CCDC88A: variants seen among roughly 807,000 people sequenced by gnomAD.
The protein encoded by CCDC88A is coiled-coil and HOOK domain protein 88A.
A neutral mutation model predicts 234.3 loss-of-function variants in CCDC88A; 54 were observed. The observed-to-expected ratio is 0.23, with a 90% CI of 0.19 to 0.29. The LOEUF is 0.29. Among genes scored for constraint, CCDC88A ranks in the 10% least tolerant of loss-of-function variants. The probability of loss-of-function intolerance (pLI) is 1.00; values close to 1 mark genes in which losing one functional copy is unlikely to be tolerated. For missense variants in CCDC88A, 1,832 were observed against 2,123.4 expected (o/e 0.86, Z 2.70); for synonymous variants, 753 against 737.8 (o/e 1.02, Z -0.33).
chr2:55,390,836 T>C (rs1046589378), intron 2 of CCDC88A, among the ~76,000 whole-genome samples: 7 of 152,144 alleles, frequency 4.6e-5, no homozygotes, highest in Admixed American at 3.3e-4. Flanking sequence ...GCCTTTAAGA[T>C]TTTGGCTTTG....
chr2:55,382,626 G>A (rs1290540380), intron 3 of CCDC88A, among the ~76,000 whole-genome samples: 1 of 152,032 alleles, frequency 6.6e-6, no homozygotes, highest in Non-Finnish European at 1.5e-5. Context: ...TAAGAGCCTA[G>A]GTAATTTTAC....
Position 55,419,527 on chromosome 2 carries a change from GACT to G in CCDC88A, c.-451_-449del. Reference sequence around the variant, plus strand: ...CGTTAAGGATACCGAGGCGCCACCAGACTCGACCTCGGCGTTCCGACCTCTACA... The same window carrying G: ...CGTTAAGGATACCGAGGCGCCACCAGCGACCTCGGCGTTCCGACCTCTACA... On this transcript the variant is annotated 5_prime_UTR_variant, in exon 1 of 33. Coordinates refer to ENST00000436346, the MANE Select transcript of CCDC88A (RefSeq NM_001365480.1). 1 of 139,544 alleles carries G rather than the reference GACT, an allele frequency of 7.2e-6. No homozygotes were observed. Among genetic ancestry groups the G allele is most frequent in the Admixed American group, 7.0e-5 (1 of 14,186 alleles). The allele number at this position is 139,544 out of a possible 1,614,324, so 8.6% of individuals were successfully genotyped here. A position where few individuals can be genotyped will look rare whatever the true frequency, so the allele number is the denominator to read the frequency against.
chr2:55,382,002 T>C (rs763199831), intron 3 of CCDC88A, among the ~76,000 whole-genome samples: 1 of 152,204 alleles, frequency 6.6e-6, no homozygotes, highest in African/African-American at 2.4e-5. Context: ...ATGTTACTAA[T>C]GAAGAGAATT....
intron 17 of CCDC88A, among the ~76,000 whole-genome samples, chr2:55,324,890 C>A (rs1425368742): frequency 1.3e-5 from 2 of 152,230 alleles, no homozygotes; most frequent in African/African-American, 4.8e-5. Flanking sequence ...AAGTGATACA[C>A]CTGCCTCAGC....
At chr2:55,358,441 A>T (rs3099083) in intron 7 of CCDC88A, among the ~76,000 whole-genome samples, 21,415 of 152,160 alleles carry the variant, frequency 0.14, 1,954 homozygotes, top group East Asian at 0.31. Flanking sequence ...GTCCTACTAC[A>T]GATCTTGCTA....
Position 55,308,951 on chromosome 2 carries a change from C to A in CCDC88A, c.4245G>T (p.Gln1415His). 3 of 1,614,094 alleles carry A rather than the reference C, an allele frequency of 1.9e-6. No homozygotes were observed. The highest frequency in any genetic ancestry group is 2.5e-6 in the Non-Finnish European group (3 of 1,179,964). Residue 1415 changes from glutamine (Q) to histidine (H), a missense_variant, in exon 25 of 33, where the codon CAG becomes CAT. By Grantham distance (24) the Gln-to-His change is conservative. Around this residue, in one of 6 missense-constraint regions of CCDC88A, gnomAD observed 1,282 missense variants for 1,543.6 expected, o/e 0.83. Transcript: ENST00000436346. Reference sequence around the variant, plus strand: ...GGGTGGGTGTTAATGTTAGAGATTTCTGGCGTTCCCGATTAATATCTTTCT... The same window carrying A: ...GGGTGGGTGTTAATGTTAGAGATTTATGGCGTTCCCGATTAATATCTTTCT... ...KSKKDINRER[Q>H]KSLTLTPTRS...
At chr2:55,325,403 T>A (rs900469929) in intron 17 of CCDC88A, among the ~76,000 whole-genome samples, 5 of 152,248 alleles carry the variant, frequency 3.3e-5, no homozygotes, top group Non-Finnish European at 5.9e-5. Context: ...CATTGATTAG[T>A]TCACCTTAGC....
intron 23 of CCDC88A, 119 bp downstream of exon 23, chr2:55,312,315 A>C: frequency 1.3e-6 from 1 of 792,104 alleles, no homozygotes; most frequent in African/African-American, 1.7e-5. Flanking sequence ...GAATATAAGC[A>C]CTCAAAAATA....
At position 55,296,373 on chromosome 2, in the gene CCDC88A, T is replaced by C; in HGVS notation, c.4976A>G (p.Lys1659Arg). Residue 1659 changes from lysine to arginine, a missense_variant, in exon 30 of 33, where the codon AAA (lysine) becomes AGA (arginine). Physicochemically the swap from Lys to Arg is conservative, Grantham distance 26. Coordinates refer to ENST00000436346, the MANE Select transcript of CCDC88A (RefSeq NM_001365480.1). ...QTRSSPVLQH[K>R]ISETLESRHH... ...TCGACTCTCCAGTGTTTCAGATATT[T>C]TGTGCTGGAGCACTGGGCTTGATCT... The C allele has an allele frequency of 1.2e-6, 2 of 1,614,232 alleles. No homozygotes were observed. Among genetic ancestry groups the C allele is most frequent in the Non-Finnish European group, 1.7e-6 (2 of 1,180,040 alleles).
chr2:55,390,275 A>C (rs879699905), intron 2 of CCDC88A, among the ~76,000 whole-genome samples: 1 of 152,074 alleles, frequency 6.6e-6, no homozygotes, highest in Non-Finnish European at 1.5e-5. Context: ...TTTTGGTTCA[A>C]GTATATTAAG....
At position 55,317,256 on chromosome 2, in the gene CCDC88A, A is replaced by G; in HGVS notation, c.3696T>C (p.Asn1232=). The change falls in exon 21 of 33, where the codon AAT becomes AAC. Residue 1232 remains asparagine, a synonymous_variant. Transcript: ENST00000436346. This position sits in a 1 kb window ranked among gnomAD's most constrained non-coding sequence, Gnocchi z 4.2. ...EQEKMLLENK[N]HETVAAEYKK... Reference sequence around the variant, plus strand: ...TGTATTCTGCAGCTACTGTTTCATGATTTTTATTTTCAAGCAGCATTTTTT... The same window carrying G: ...TGTATTCTGCAGCTACTGTTTCATGGTTTTTATTTTCAAGCAGCATTTTTT... 1 of 1,554,330 alleles carries G rather than the reference A, an allele frequency of 6.4e-7. No individual in the cohort carries two copies. Among genetic ancestry groups the G allele is most frequent in the Non-Finnish European group, 8.7e-7 (1 of 1,146,688 alleles).
At position 55,309,908 on chromosome 2, in the gene CCDC88A, G is replaced by C. The variant is rs1351284535; in HGVS notation, c.4080-654C>G. 6.6e-6 allele frequency among the ~76,000 whole-genome samples: 1 copy of C among 152,086 alleles called. No homozygotes were observed. The highest frequency in any genetic ancestry group is 1.5e-5 in the Non-Finnish European group (1 of 68,010). On this transcript the variant is annotated intron_variant, in intron 23 of 32. Transcript: ENST00000436346. This position sits in a 1 kb window ranked among gnomAD's most constrained non-coding sequence, Gnocchi z 5.1. Reference sequence around the variant, plus strand: ...TATAATAACATATAATATTGTGTGTGTGTATATATATAAAATGACTATATA... The same window carrying C: ...TATAATAACATATAATATTGTGTGTCTGTATATATATAAAATGACTATATA...
Position 55,332,710 on chromosome 2 carries a change from T to A in CCDC88A, c.2728-17A>T. On this transcript the variant is annotated splice_polypyrimidine_tract_variant and intron_variant, in intron 15 of 32. Transcript: ENST00000436346. This position sits in a 1 kb window ranked among gnomAD's most constrained non-coding sequence, Gnocchi z 4.5. ...CACCAAATCCTTATTTTAAAAGAAA[T>A]GCAAAACTCACCTAAGTGTCAAGGG... is the stretch of plus-strand genomic sequence containing the variant. 3 of 1,610,650 alleles carry A rather than the reference T, an allele frequency of 1.9e-6. No individual in the cohort carries two copies. Among genetic ancestry groups the A allele is most frequent in the Non-Finnish European group, 2.5e-6 (3 of 1,178,124 alleles).
rs116419266 is a variant in CCDC88A, at chr2:55,367,852, C to T, written c.403-3819G>A. Among the ~76,000 whole-genome samples the T allele has an allele frequency of 3.3e-3, 503 of 152,090 alleles. 3 individuals carry two copies. Among genetic ancestry groups the T allele is most frequent in the African/African-American group, 0.01 (429 of 41,476 alleles). On this transcript the variant is annotated intron_variant, in intron 5 of 32. Transcript: ENST00000436346. ...ACATAAAAGGGTCAAAATTTTAATT[C>T]CAACCACACTTGACACTCAGTTACT...
intron 25 of CCDC88A, chr2:55,308,386 G>A (rs1264428026): frequency 6.5e-6 from 1 of 154,914 alleles, no homozygotes; most frequent in African/African-American, 2.4e-5. Context: ...CACCATCAAA[G>A]TATATGAGCA....
intron 5 of CCDC88A, among the ~76,000 whole-genome samples, chr2:55,368,091 G>T (rs1037487059): frequency 1.3e-5 from 2 of 152,174 alleles, no homozygotes; most frequent in Non-Finnish European, 2.9e-5. Context: ...CTACTTCAGG[G>T]CTAGGATGAA....
At chr2:55,298,792 T>C (rs993781782) in intron 29 of CCDC88A, among the ~76,000 whole-genome samples, 9 of 150,086 alleles carry the variant, frequency 6.0e-5, no homozygotes, top group African/African-American at 2.2e-4. Context: ...GTAGGATCGC[T>C]TGAGTCTGGG....
At chr2:55,336,327 A>G (rs1423861258) in intron 14 of CCDC88A, among the ~76,000 whole-genome samples, 2 of 152,154 alleles carry the variant, frequency 1.3e-5, no homozygotes, top group African/African-American at 4.8e-5. Context: ...TTGCCACCAC[A>G]TTTCTCCCTC....
At chr2:55,380,776 C>G (rs953021380) in intron 3 of CCDC88A, among the ~76,000 whole-genome samples, 8 of 151,990 alleles carry the variant, frequency 5.3e-5, no homozygotes, top group African/African-American at 1.9e-4. Flanking sequence ...CCATCATGCC[C>G]AGCTAATTTT....
Sources: gnomAD v4.1 joint callset for allele counts (sites outside exome capture counted in the v4.1 genomes callset) on GRCh38, gnomAD v4.1.1 for gene constraint, gnomAD v4.1.1 regional missense constraint, Gnocchi (gnomAD v3.1) non-coding constraint, MANE v1.5 for transcripts, NCBI Gene and HGNC (gene_info 2026-07-23, HGNC 2026-07-21) for gene names.